CACNA1E: variants seen among roughly 807,000 people sequenced by gnomAD.
The protein encoded by CACNA1E is voltage-dependent R-type calcium channel subunit alpha-1E.
CACNA1E carries 40 observed loss-of-function variants against 259.2 expected under a neutral mutation model. The ratio of observed to expected loss-of-function variants is 0.15; its 90% CI spans 0.12 to 0.20. CACNA1E has a LOEUF of 0.20. Among genes scored for constraint, CACNA1E ranks in the 10% least tolerant of loss-of-function variants. The pLI, the probability that CACNA1E is intolerant of heterozygous loss-of-function variation, is 1.00. For missense variants in CACNA1E, 1,874 were observed against 3,040.1 expected, an observed-to-expected ratio of 0.62 and a Z score of 9.02; for synonymous variants, 1,104 against 1,138.5, an observed-to-expected ratio of 0.97 and a Z score of 0.61.
intron 2 of CACNA1E, among the ~76,000 whole-genome samples, chr1:181,421,124 G>A (rs988365616): frequency 9.2e-5 from 14 of 152,136 alleles, no homozygotes; most frequent in African/African-American, 2.9e-4. Context: ...CTCTAATTCC[G>A]AAGCCCATGT....
intron 2 of CACNA1E, among the ~76,000 whole-genome samples, chr1:181,415,525 G>T (rs959538190): frequency 3.9e-5 from 6 of 152,050 alleles, no homozygotes; most frequent in Non-Finnish European, 5.9e-5. Flanking sequence ...GTAACCAGAG[G>T]GTATAGGGAC....
At chr1:181,787,460 G>A (rs577742944) in intron 43 of CACNA1E, among the ~76,000 whole-genome samples, 1 of 152,168 alleles carries the variant, frequency 6.6e-6, no homozygotes, top group South Asian at 2.1e-4. Flanking sequence ...TGCAATCTCT[G>A]TTTATCTACA....
Position 181,776,317 on chromosome 1 carries a change from A to C in CACNA1E, c.5267+89A>C. On this transcript the variant is annotated intron_variant, in intron 38 of 47. Coordinates refer to ENST00000367573, the MANE Select transcript of CACNA1E (RefSeq NM_001205293.3). This position sits in a 1 kb window ranked among gnomAD's most constrained non-coding sequence, Gnocchi z 4.4. ...AGAGGCTGGAATTGGAGCCACCCAA[A>C]TGCCTGCCTGTTACAGAAGGAAAGG... 1.5e-6 allele frequency: 2 copies of C among 1,322,514 alleles called. No individual in the cohort carries two copies. The highest frequency in any genetic ancestry group is 1.1e-6 in the Non-Finnish European group (1 of 919,416). The allele number at this position is 1,322,514 out of a possible 1,614,324, so 81.9% of individuals were successfully genotyped here.
rs530423765 is a variant in CACNA1E, at chr1:181,725,997, G to C, written c.2143-68G>C. Reference sequence around the variant, plus strand: ...TGGTATTCAGAACTCCTCCTTAGGAGAGCAGCCAAGGGAAGCTACTCTCCT... The same window carrying C: ...TGGTATTCAGAACTCCTCCTTAGGACAGCAGCCAAGGGAAGCTACTCTCCT... On this transcript the variant is annotated intron_variant, in intron 17 of 47. Transcript: ENST00000367573. The C allele has an allele frequency of 6.6e-6, 7 of 1,062,148 alleles. No individual in the cohort carries two copies. The African/African-American group carries it at 9.4e-5, about 14-fold the overall frequency. 65.8% of individuals were successfully genotyped at this position (1,062,148 alleles called of 1,614,324 possible). A position where few individuals can be genotyped will look rare whatever the true frequency, so the allele number is the denominator to read the frequency against.
At chr1:181,523,594 A>G (rs1328783999) in intron 3 of CACNA1E, among the ~76,000 whole-genome samples, 1 of 152,186 alleles carries the variant, frequency 6.6e-6, no homozygotes, top group African/African-American at 2.4e-5. Context: ...TGCATAGAAA[A>G]AGGAATGGCT....
intron 1 of CACNA1E, among the ~76,000 whole-genome samples, chr1:181,383,523 ACT>A (rs1313897289): frequency 6.6e-6 from 1 of 151,838 alleles, no homozygotes; most frequent in Non-Finnish European, 1.5e-5. Context: ...CCTTTAGAAA[ACT>A]CTGACTGAGC....
At chr1:181,731,966 G>C (rs568357899) in intron 19 of CACNA1E, among the ~76,000 whole-genome samples, 1 of 152,066 alleles carries the variant, frequency 6.6e-6, no homozygotes, top group Non-Finnish European at 1.5e-5. Context: ...AGGGAGATGA[G>C]GGGGAGAGGA....
intron 3 of CACNA1E, among the ~76,000 whole-genome samples, chr1:181,536,534 T>G (rs1352977186): frequency 6.6e-6 from 1 of 152,254 alleles, no homozygotes; most frequent in Non-Finnish European, 1.5e-5. Context: ...GTCTTCATTC[T>G]CATTGAGTAT....
At chr1:181,335,969 G>T (rs1416052472) in intron 1 of CACNA1E, among the ~76,000 whole-genome samples, 3 of 152,194 alleles carry the variant, frequency 2.0e-5, no homozygotes, top group African/African-American at 7.2e-5. Context: ...TCTGCAGTAT[G>T]CCTGATAAGT....
intron 2 of CACNA1E, among the ~76,000 whole-genome samples, chr1:181,472,452 T>G (rs894783900): frequency 6.6e-6 from 1 of 152,250 alleles, no homozygotes; most frequent in African/African-American, 2.4e-5. Context: ...ACCATCTTAC[T>G]ATCTATATGT....
intron 1 of CACNA1E, among the ~76,000 whole-genome samples, chr1:181,374,545 C>T (rs1038802872): frequency 3.3e-5 from 5 of 152,082 alleles, no homozygotes; most frequent in African/African-American, 7.2e-5. Flanking sequence ...TAACTGCAGC[C>T]GTGGATTCCT....
intron 3 of CACNA1E, among the ~76,000 whole-genome samples, chr1:181,516,572 T>C (rs1299895499): frequency 6.6e-6 from 1 of 152,198 alleles, no homozygotes; most frequent in African/African-American, 2.4e-5. Context: ...GCACCTTCCC[T>C]AGGCCAAGTG....
intron 1 of CACNA1E, among the ~76,000 whole-genome samples, chr1:181,508,147 T>TTGTGTGTGTG (rs55742094): frequency 0.034 from 5,054 of 148,912 alleles, 104 homozygotes; most frequent in Non-Finnish European, 0.041. Context: ...CCCAAACGCC[T>TTGTGTGTGTG]TGTGTGTGTG....
Position 181,801,370 on chromosome 1 carries a change from G to A in CACNA1E, c.*2536G>A, listed in dbSNP as rs1295779866. The stretch of plus-strand genomic sequence containing the variant: ...GCCAGGAAATCTTCCTGAACTCCTT[G>A]AACTCATACACACAGGTATTTGAGT... On this transcript the variant is annotated 3_prime_UTR_variant, in exon 48 of 48. Coordinates refer to ENST00000367573, the MANE Select transcript of CACNA1E (RefSeq NM_001205293.3). 1 of 152,384 alleles carries A rather than the reference G, an allele frequency of 6.6e-6. No individual in the cohort carries two copies. The highest frequency in any genetic ancestry group is 1.5e-5 in the Non-Finnish European group (1 of 68,028). The allele number at this position is 152,384 out of a possible 1,614,324, so 9.4% of individuals were successfully genotyped here.
At chr1:181,434,343 A>G (rs746370715) in intron 2 of CACNA1E, among the ~76,000 whole-genome samples, 10 of 152,092 alleles carry the variant, frequency 6.6e-5, no homozygotes, top group Non-Finnish European at 1.2e-4. Context: ...ACTATTATAA[A>G]TTAATCAGTT....
chr1:181,727,925 G>A (rs3893208), intron 18 of CACNA1E, among the ~76,000 whole-genome samples: 8,906 of 152,140 alleles, frequency 0.059, 887 homozygotes, highest in African/African-American at 0.2. Flanking sequence ...GTGTTGAAGC[G>A]GGGGACCTCC....
At chr1:181,484,418 C>A (rs886578950) in intron 1 of CACNA1E, among the ~76,000 whole-genome samples, 2 of 152,284 alleles carry the variant, frequency 1.3e-5, no homozygotes, top group South Asian at 4.1e-4. Flanking sequence ...TGCCCGTATC[C>A]CCACCAACCA....
intron 32 of CACNA1E, among the ~76,000 whole-genome samples, chr1:181,759,400 T>TGG (rs1205829777): frequency 6.6e-6 from 1 of 151,012 alleles, no homozygotes. Context: ...TGTGTCTGTG[T>TGG]GTGTGTGTGT....
intron 1 of CACNA1E, among the ~76,000 whole-genome samples, chr1:181,505,381 GT>G (rs1011624635): frequency 6.7e-6 from 1 of 150,330 alleles, no homozygotes; most frequent in Admixed American, 6.6e-5. Context: ...TTTTGTTTTT[GT>G]TTTTTTTGAG....
Sources: allele counts gnomAD v4.1 joint callset (sites outside exome capture counted in the v4.1 genomes callset), GRCh38; gene constraint gnomAD v4.1.1; non-coding constraint Gnocchi (gnomAD v3.1); transcripts MANE v1.5; gene names NCBI Gene and HGNC (gene_info 2026-07-23, HGNC 2026-07-21).